The following SLC4A10 variants were observed in gnomAD, a reference collection of about 807,000 sequenced individuals.
SLC4A10 encodes solute carrier family 4 member 10.
In SLC4A10, 42 loss-of-function variants were observed where a neutral mutation model predicts 137.7. That is an observed-to-expected ratio of 0.30 (90% CI 0.24 to 0.39). The LOEUF is 0.39. Among genes scored for constraint, SLC4A10 ranks in the 10% least tolerant of loss-of-function variants. The pLI is 1.00. For synonymous variants in SLC4A10, 474 were observed against 464.1 expected (o/e 1.02, Z -0.27); for missense variants, 925 against 1,355.0 (o/e 0.68, Z 4.98).
intron 4 of SLC4A10, among the ~76,000 whole-genome samples, chr2:161,849,965 C>T (rs1156841528): frequency 2.0e-5 from 3 of 151,890 alleles, no homozygotes; most frequent in African/African-American, 4.8e-5. Context: ...TTTCAGTATC[C>T]GTTCTTCTTT....
chr2:161,643,136 C>G (rs890254346), intron 1 of SLC4A10, among the ~76,000 whole-genome samples: 3 of 151,966 alleles, frequency 2.0e-5, no homozygotes, highest in African/African-American at 7.2e-5. Context: ...TAACTTATGT[C>G]AATGCATCTG....
intron 4 of SLC4A10, among the ~76,000 whole-genome samples, chr2:161,844,959 A>T (rs1348251912): frequency 2.0e-5 from 3 of 151,992 alleles, no homozygotes; most frequent in African/African-American, 7.2e-5. Flanking sequence ...TTATTTATTT[A>T]TTTTTTAGCA....
At chr2:161,861,496 C>CT (rs2060432523) in intron 5 of SLC4A10, among the ~76,000 whole-genome samples, 1 of 96,126 alleles carries the variant, frequency 1.0e-5, no homozygotes. Context: ...TTTGATCTTT[C>CT]TATTATGTGA....
At chr2:161,959,205 T>G (rs915861217) in intron 21 of SLC4A10, among the ~76,000 whole-genome samples, 1 of 152,220 alleles carries the variant, frequency 6.6e-6, no homozygotes, top group African/African-American at 2.4e-5. Flanking sequence ...CTTGTTTTGT[T>G]TGTTTTACTG....
At chr2:161,726,725 A>G (rs980134745) in intron 1 of SLC4A10, among the ~76,000 whole-genome samples, 5 of 152,168 alleles carry the variant, frequency 3.3e-5, no homozygotes, top group African/African-American at 9.7e-5. Flanking sequence ...CCTGGCCAAC[A>G]TGGTAAAACC....
intron 4 of SLC4A10, among the ~76,000 whole-genome samples, chr2:161,843,349 A>G (rs1352916539): frequency 6.6e-6 from 1 of 152,146 alleles, no homozygotes; most frequent in Non-Finnish European, 1.5e-5. Context: ...CCATCAAAAT[A>G]TATTGCTGTT....
intron 3 of SLC4A10, among the ~76,000 whole-genome samples, chr2:161,815,080 A>AT (rs1303074271): frequency 6.6e-6 from 1 of 152,184 alleles, no homozygotes; most frequent in Non-Finnish European, 1.5e-5. Flanking sequence ...TTAGCATTAA[A>AT]TTTAAACTTG....
intron 1 of SLC4A10, among the ~76,000 whole-genome samples, chr2:161,664,855 T>G (rs981866148): frequency 1.3e-5 from 2 of 151,844 alleles, no homozygotes; most frequent in Non-Finnish European, 3.0e-5. Flanking sequence ...TACACATGGT[T>G]TCCTTAATGA....
At chr2:161,971,100 T>C (rs1698441817) in intron 23 of SLC4A10, among the ~76,000 whole-genome samples, 2 of 152,252 alleles carry the variant, frequency 1.3e-5, no homozygotes, top group Non-Finnish European at 2.9e-5. Context: ...AGCTTTCTTT[T>C]CATTATTACA....
At chr2:161,892,467 A>C (rs183417671) in intron 10 of SLC4A10, among the ~76,000 whole-genome samples, 3 of 152,040 alleles carry the variant, frequency 2.0e-5, no homozygotes, top group Admixed American at 6.6e-5. Flanking sequence ...TGGATCTTTA[A>C]CATTTTCGTA....
chr2:161,738,072 T>C (rs971707312), intron 1 of SLC4A10, among the ~76,000 whole-genome samples: 2 of 151,986 alleles, frequency 1.3e-5, no homozygotes, highest in African/African-American at 2.4e-5. Flanking sequence ...CTGAACAAGT[T>C]TGGATTAAAA....
Position 161,670,413 on chromosome 2 carries a change from G to C in SLC4A10, c.48+45847G>C, listed in dbSNP as rs1258091270. 2.6e-5 allele frequency among the ~76,000 whole-genome samples: 4 copies of C among 151,778 alleles called. No individual in the cohort carries two copies. In the East Asian group the frequency reaches 7.8e-4, roughly 29 times the overall value. On this transcript the variant is annotated intron_variant, in intron 1 of 26. Coordinates refer to ENST00000446997, the MANE Select transcript of SLC4A10 (RefSeq NM_001178015.2). The stretch of plus-strand genomic sequence containing the variant: ...TTTCATTAAGTATGCAAAATCTGCT[G>C]GTCTAGATTTTGAGTTTTTCAGTCA...
At chr2:161,826,600 A>G (rs188294347) in intron 3 of SLC4A10, among the ~76,000 whole-genome samples, 1 of 152,304 alleles carries the variant, frequency 6.6e-6, no homozygotes, top group Non-Finnish European at 1.5e-5. Flanking sequence ...GTTAATTAGT[A>G]TGTGAGTTAT....
intron 4 of SLC4A10, among the ~76,000 whole-genome samples, chr2:161,850,544 C>T (rs62187748): frequency 0.061 from 9,238 of 151,976 alleles, 368 homozygotes; most frequent in East Asian, 0.13. Flanking sequence ...GTATTTCTGT[C>T]GGGTTAGTAG....
At chr2:161,762,540 A>G (rs1305090350) in intron 1 of SLC4A10, among the ~76,000 whole-genome samples, 2 of 152,140 alleles carry the variant, frequency 1.3e-5, no homozygotes, top group Non-Finnish European at 2.9e-5. Context: ...TCTAGGGTAA[A>G]TAATGGATGC....
In SLC4A10 at chr2:161,957,275, G is replaced by T. The variant is rs199578405; in HGVS notation, c.2793+35G>T. ...TCTGTCTTTATGAACTTGAGAGAAA[G>T]AATACATTTATCATCATTTAAAATT... is the stretch of plus-strand genomic sequence containing the variant. On this transcript the variant is annotated intron_variant, in intron 20 of 26. Transcript: ENST00000446997. 1.3e-4 allele frequency: 206 copies of T among 1,587,292 alleles called. 1 individual carries two copies. The East Asian group carries it at 4.5e-3, about 35-fold the overall frequency.
At chr2:161,826,982 T>C (rs1369257303) in intron 3 of SLC4A10, among the ~76,000 whole-genome samples, 1 of 152,234 alleles carries the variant, frequency 6.6e-6, no homozygotes, top group Non-Finnish European at 1.5e-5. Flanking sequence ...CTCCGTGAGA[T>C]GTATGTTCCA....
Position 161,855,125 on chromosome 2 carries a change from T to C in SLC4A10, c.572T>C (p.Ile191Thr). The C allele has an allele frequency of 6.2e-7, 1 of 1,607,670 alleles. No individual in the cohort carries two copies. The highest frequency in any genetic ancestry group is 1.7e-5 in the Admixed American group (1 of 59,160). ...LDMHANTLEE[I>T]ADMVLDQQVS... is the part of the protein sequence containing the mutation. ...ATGCATGCCAACACTTTAGAAGAAATTGCAGGTATATCTTTTCCCCCTTAG... is the reference window on the plus strand; with the variant it reads ...ATGCATGCCAACACTTTAGAAGAAACTGCAGGTATATCTTTTCCCCCTTAG... Residue 191 changes from isoleucine (I) to threonine (T), a missense_variant, in exon 5 of 27, where the codon ATT becomes ACT. Transcript: ENST00000446997.
At chr2:161,975,280 G>A (rs761239219) in intron 24 of SLC4A10, among the ~76,000 whole-genome samples, 11 of 152,000 alleles carry the variant, frequency 7.2e-5, no homozygotes, top group Non-Finnish European at 1.5e-4. Context: ...AAGTGTATTA[G>A]GTAGAAACCT....
Sources: gnomAD v4.1 joint callset for allele counts (sites outside exome capture counted in the v4.1 genomes callset) on GRCh38, gnomAD v4.1.1 for gene constraint, MANE v1.5 for transcripts, NCBI Gene and HGNC (gene_info 2026-07-23, HGNC 2026-07-21) for gene names.